The following GPC6 variants were observed in gnomAD, a reference collection of about 807,000 sequenced individuals.
GPC6 encodes the protein glypican 6.
GPC6 carries 14 observed loss-of-function variants against 55.2 expected under a neutral mutation model. That is an observed-to-expected ratio of 0.25 (90% CI 0.17 to 0.40). GPC6 has a LOEUF of 0.40. Among genes scored for constraint, GPC6 ranks in the 10% least tolerant of loss-of-function variants. The probability of loss-of-function intolerance (pLI) is 1.00; values close to 1 mark genes in which losing one functional copy is unlikely to be tolerated. For missense variants in GPC6, 641 were observed against 708.5 expected, an observed-to-expected ratio of 0.90 and a Z score of 1.08; for synonymous variants, 278 against 259.6, an observed-to-expected ratio of 1.07 and a Z score of -0.68.
intron 2 of GPC6, among the ~76,000 whole-genome samples, chr13:93,782,957 C>A (rs908094867): frequency 2.0e-5 from 3 of 152,020 alleles, no homozygotes; most frequent in Non-Finnish European, 2.9e-5. Flanking sequence ...GGTATTAAGC[C>A]CTGCATGCAT....
intron 1 of GPC6, among the ~76,000 whole-genome samples, chr13:93,320,972 A>G (rs1008344986): frequency 2.0e-5 from 3 of 152,126 alleles, no homozygotes; most frequent in African/African-American, 7.2e-5. Flanking sequence ...AATCAGCACC[A>G]TGCTGCTTAT....
chr13:93,348,033 G>T (rs943384560), intron 1 of GPC6, among the ~76,000 whole-genome samples: 2 of 152,112 alleles, frequency 1.3e-5, no homozygotes, highest in Non-Finnish European at 2.9e-5. Flanking sequence ...ATTCCCTACT[G>T]CACAACATTT....
intron 2 of GPC6, among the ~76,000 whole-genome samples, chr13:93,613,168 C>T (rs549624627): frequency 8.3e-4 from 126 of 152,266 alleles, no homozygotes; most frequent in South Asian, 2.1e-3. Context: ...GTTGCATTGG[C>T]CCCCTCTTTA....
At chr13:93,939,789 T>A (rs191229689) in intron 3 of GPC6, among the ~76,000 whole-genome samples, 1 of 152,276 alleles carries the variant, frequency 6.6e-6, no homozygotes, top group East Asian at 1.9e-4. Flanking sequence ...ACTCTTTCTT[T>A]TTTTTAAATA....
intron 3 of GPC6, among the ~76,000 whole-genome samples, chr13:93,910,866 G>A (rs537654434): frequency 6.6e-6 from 1 of 152,246 alleles, no homozygotes; most frequent in East Asian, 1.9e-4. Context: ...CAGACAGTAT[G>A]GAAGCCTCAA....
intron 4 of GPC6, among the ~76,000 whole-genome samples, chr13:94,183,461 C>T (rs2138950150): frequency 6.6e-6 from 1 of 152,256 alleles, no homozygotes; most frequent in East Asian, 1.9e-4. Flanking sequence ...ATTAATTCAT[C>T]TGTTCATGAA....
intron 3 of GPC6, among the ~76,000 whole-genome samples, chr13:93,853,530 ATAT>A (rs1172837295): frequency 5.9e-5 from 9 of 151,640 alleles, no homozygotes; most frequent in Non-Finnish European, 1.2e-4. Context: ...CTTAATTACT[ATAT>A]TTTCACTCCT....
intron 6 of GPC6, among the ~76,000 whole-genome samples, chr13:94,320,226 T>C (rs1876744443): frequency 6.6e-6 from 1 of 152,226 alleles, no homozygotes; most frequent in South Asian, 2.1e-4. Flanking sequence ...ACTTAATGAA[T>C]TAATTTTCAG....
intron 2 of GPC6, among the ~76,000 whole-genome samples, chr13:93,678,870 G>A (rs770572514): frequency 3.3e-5 from 5 of 152,072 alleles, no homozygotes; most frequent in Non-Finnish European, 5.9e-5. Context: ...CTGAACTTCC[G>A]CTCTTCCTTT....
At chr13:93,380,464 G>A (rs1223861413) in intron 1 of GPC6, among the ~76,000 whole-genome samples, 1 of 152,186 alleles carries the variant, frequency 6.6e-6, no homozygotes, top group African/African-American at 2.4e-5. Context: ...TGCGTAAAGA[G>A]AAGCTTCCTC....
At chr13:93,311,659 A>C (rs35896208) in intron 1 of GPC6, among the ~76,000 whole-genome samples, 56 of 152,208 alleles carry the variant, frequency 3.7e-4, no homozygotes, top group Non-Finnish European at 6.3e-4. Context: ...AGAAACCTAG[A>C]GACATAGATT....
chr13:94,120,253 G>A (rs1157055424), intron 4 of GPC6, among the ~76,000 whole-genome samples: 2 of 152,044 alleles, frequency 1.3e-5, no homozygotes, highest in East Asian at 1.9e-4. Flanking sequence ...TCTGAAAACA[G>A]GTGATAGGTG....
At chr13:94,320,974 G>A (rs755864897) in intron 6 of GPC6, among the ~76,000 whole-genome samples, 3 of 152,140 alleles carry the variant, frequency 2.0e-5, no homozygotes, top group Admixed American at 6.5e-5. Flanking sequence ...TAGGTAAATT[G>A]CATGTCACAA....
At chr13:94,357,441 G>C (rs1197565951) in intron 6 of GPC6, among the ~76,000 whole-genome samples, 1 of 152,184 alleles carries the variant, frequency 6.6e-6, no homozygotes, top group Non-Finnish European at 1.5e-5. Context: ...TGGACCATCT[G>C]ATGCTCCGCG....
chr13:93,968,387 G>T (rs1422941021), intron 3 of GPC6, among the ~76,000 whole-genome samples: 1 of 152,040 alleles, frequency 6.6e-6, no homozygotes, highest in African/African-American at 2.4e-5. Flanking sequence ...ACTTAATTCT[G>T]TTTCTAAGTA....
chr13:93,534,340 C>A (rs1881973343), intron 1 of GPC6, among the ~76,000 whole-genome samples: 1 of 152,234 alleles, frequency 6.6e-6, no homozygotes, highest in East Asian at 1.9e-4. Flanking sequence ...TCTATAAAAG[C>A]CAAAAGTTAG....
At chr13:93,953,524 A>C (rs575152017) in intron 3 of GPC6, among the ~76,000 whole-genome samples, 1 of 152,158 alleles carries the variant, frequency 6.6e-6, no homozygotes, top group Non-Finnish European at 1.5e-5. Context: ...GTTTCTCCAC[A>C]TCTTGTTCAT....
intron 2 of GPC6, among the ~76,000 whole-genome samples, chr13:93,779,656 G>A (rs1430019007): frequency 2.0e-5 from 3 of 152,130 alleles, no homozygotes; most frequent in Admixed American, 6.5e-5. Context: ...TGTTAGCGTC[G>A]TATGTGCTAT....
intron 3 of GPC6, among the ~76,000 whole-genome samples, chr13:93,869,634 T>C (rs557125540): frequency 1.5e-4 from 23 of 152,030 alleles, no homozygotes; most frequent in African/African-American, 5.5e-4. Flanking sequence ...CTATGATTTC[T>C]TAGAAACTTA....
Sources: gnomAD v4.1 joint callset for allele counts (sites outside exome capture counted in the v4.1 genomes callset) on GRCh38, gnomAD v4.1.1 for gene constraint, MANE v1.5 for transcripts, NCBI Gene and HGNC (gene_info 2026-07-23, HGNC 2026-07-21) for gene names.